Variants in EYA3 observed in about 807,000 individuals in gnomAD.
The protein encoded by EYA3 is EYA transcriptional coactivator and phosphatase 3, also known as protein phosphatase EYA3.
In EYA3, 39 loss-of-function variants were observed where a neutral mutation model predicts 80.0. The ratio of observed to expected loss-of-function variants is 0.49; its 90% CI spans 0.38 to 0.64. EYA3 has a LOEUF of 0.64. Among genes scored for constraint, EYA3 ranks in the 30% least tolerant of loss-of-function variants. The pLI, the probability that EYA3 is intolerant of heterozygous loss-of-function variation, is 0.00. For missense variants in EYA3, 523 were observed against 676.1 expected, an observed-to-expected ratio of 0.77 and a Z score of 2.51; for synonymous variants, 206 against 232.8, an observed-to-expected ratio of 0.88 and a Z score of 1.05.
chr1:28,003,954 A>G (rs1641083500), intron 11 of EYA3, among the ~76,000 whole-genome samples: 1 of 152,202 alleles, frequency 6.6e-6, no homozygotes, highest in Admixed American at 6.5e-5. Context: ...TATTTGGCTA[A>G]ATAAAATGCT....
intron 1 of EYA3, among the ~76,000 whole-genome samples, chr1:28,070,567 A>G (rs1644986782): frequency 6.6e-6 from 1 of 152,208 alleles, no homozygotes; most frequent in Non-Finnish European, 1.5e-5. Flanking sequence ...GTCTCAAAAA[A>G]AAGAGAAAGA....
chr1:27,989,888 C>A (rs1639916454), intron 14 of EYA3, 77 bp from the exon 15 acceptor site: 1 of 773,770 alleles, frequency 1.3e-6, no homozygotes, highest in Non-Finnish European at 2.1e-6. Context: ...CTTCTAAATT[C>A]AATTTAAAAA....
chr1:28,072,312 G>A lies in EYA3; in HGVS notation c.-68-14218C>T, dbSNP rs112635550. Reference sequence around the variant, plus strand: ...CTTGAGTAGAAAAAAGATATTAGTAGAAAAAGTAGTAAAATCTGAATGAAG... The same window carrying A: ...CTTGAGTAGAAAAAAGATATTAGTAAAAAAAGTAGTAAAATCTGAATGAAG... On this transcript the variant is annotated intron_variant, in intron 1 of 17. Coordinates refer to ENST00000373871, the MANE Select transcript of EYA3 (RefSeq NM_001990.4). 7.7e-3 allele frequency among the ~76,000 whole-genome samples: 1,170 copies of A among 152,130 alleles called. 10 individuals carry two copies. Among genetic ancestry groups the A allele is most frequent in the Middle Eastern group, 0.051 (15 of 294 alleles).
chr1:27,987,189 T>A (rs954657224), intron 16 of EYA3, among the ~76,000 whole-genome samples: 1 of 152,242 alleles, frequency 6.6e-6, no homozygotes. Context: ...AGAAGCCTCA[T>A]ATAAATGGAA....
intron 10 of EYA3, among the ~76,000 whole-genome samples, chr1:28,005,120 G>C (rs1257168128): frequency 6.6e-6 from 1 of 152,148 alleles, no homozygotes; most frequent in Non-Finnish European, 1.5e-5. Flanking sequence ...ATAGCATAAA[G>C]TACCAAAACT....
chr1:28,040,187 A>C (rs1173716419), intron 4 of EYA3, among the ~76,000 whole-genome samples: 1 of 152,180 alleles, frequency 6.6e-6, no homozygotes, highest in African/African-American at 2.4e-5. Context: ...CTAGAATAGC[A>C]ACAGTGGGGA....
intron 17 of EYA3, chr1:27,977,103 C>A: frequency 1.0e-6 from 1 of 985,384 alleles, no homozygotes; most frequent in South Asian, 4.7e-5. Flanking sequence ...TCCCCCATAC[C>A]CTTCTTCAGA....
At chr1:28,034,636 G>C (rs967679744) in intron 6 of EYA3, among the ~76,000 whole-genome samples, 1 of 152,060 alleles carries the variant, frequency 6.6e-6, no homozygotes, top group Non-Finnish European at 1.5e-5. Flanking sequence ...CTAAAAGTAA[G>C]AAAGCTGCCA....
At chr1:28,064,135 TTAAA>T (rs1278587124) in intron 1 of EYA3, among the ~76,000 whole-genome samples, 5 of 152,314 alleles carry the variant, frequency 3.3e-5, no homozygotes, top group Non-Finnish European at 7.4e-5. Flanking sequence ...ATTATGCACT[TTAAA>T]TATTAATATG....
At chr1:27,998,756 A>C (rs1436917119) in intron 12 of EYA3, among the ~76,000 whole-genome samples, 4 of 151,660 alleles carry the variant, frequency 2.6e-5, no homozygotes, top group Non-Finnish European at 5.9e-5. Flanking sequence ...CTTTGTGTTT[A>C]TAAAATACTA....
intron 1 of EYA3, among the ~76,000 whole-genome samples, chr1:28,059,161 CACA>C (rs1644531436): frequency 6.6e-6 from 1 of 152,154 alleles, no homozygotes; most frequent in Non-Finnish European, 1.5e-5. Flanking sequence ...TGCAATACAA[CACA>C]ACTTTATTTT....
intron 1 of EYA3, among the ~76,000 whole-genome samples, chr1:28,064,651 TA>T (rs1218016665): frequency 1.3e-5 from 2 of 152,048 alleles, no homozygotes; most frequent in African/African-American, 2.4e-5. Flanking sequence ...TTTTAGTTTT[TA>T]TTTTTTTTAT....
At chr1:28,007,251 A>T (rs999736998) in intron 10 of EYA3, among the ~76,000 whole-genome samples, 2 of 151,750 alleles carry the variant, frequency 1.3e-5, no homozygotes, top group Admixed American at 1.3e-4. Context: ...ATGTGATCTT[A>T]TATGTAGAAA....
At position 28,007,078 on chromosome 1, in the gene EYA3, T is replaced by C. The variant is rs568633779; in HGVS notation, c.910-2659A>G. On this transcript the variant is annotated intron_variant, in intron 10 of 17. Coordinates refer to ENST00000373871, the MANE Select transcript of EYA3 (RefSeq NM_001990.4). ...GCCTCAGCCTCCCAAGTAGCTGGGA[T>C]TACAGGTGTGCACCACCAGGTCCGG... is the stretch of plus-strand genomic sequence containing the variant. 2.0e-5 allele frequency among the ~76,000 whole-genome samples: 3 copies of C among 151,276 alleles called. No individual in the cohort carries two copies. The South Asian group carries it at 6.2e-4, about 32-fold the overall frequency.
intron 16 of EYA3, among the ~76,000 whole-genome samples, chr1:27,986,326 T>C (rs1639651394): frequency 1.3e-5 from 2 of 151,102 alleles, no homozygotes; most frequent in South Asian, 4.2e-4. Context: ...GATCGCACCA[T>C]TGCACTCCAG....
chr1:28,073,113 A>C (rs1458681416), intron 1 of EYA3, among the ~76,000 whole-genome samples: 1 of 45,272 alleles, frequency 2.2e-5, no homozygotes, highest in Non-Finnish European at 4.1e-5. Flanking sequence ...TTATATATAT[A>C]TATATATATA....
At chr1:28,020,479 C>A (rs1642355484) in intron 7 of EYA3, among the ~76,000 whole-genome samples, 1 of 152,042 alleles carries the variant, frequency 6.6e-6, no homozygotes, top group African/African-American at 2.4e-5. Flanking sequence ...AAGACAAAGT[C>A]CTGGCCCTCA....
chr1:28,024,035 T>C (rs1416083252), intron 7 of EYA3, among the ~76,000 whole-genome samples: 1 of 152,246 alleles, frequency 6.6e-6, no homozygotes, highest in Admixed American at 6.5e-5. Context: ...GGTGAGGAGT[T>C]TGAGACCAGC....
chr1:28,039,485 C>T (rs61789705), intron 4 of EYA3, among the ~76,000 whole-genome samples: 1,993 of 152,240 alleles, frequency 0.013, 24 homozygotes, highest in Middle Eastern at 0.02. Context: ...CACAGACAGA[C>T]GTGAGGAACT....
Sources: gnomAD v4.1 joint callset for allele counts (sites outside exome capture counted in the v4.1 genomes callset) on GRCh38, gnomAD v4.1.1 for gene constraint, MANE v1.5 for transcripts, NCBI Gene and HGNC (gene_info 2026-07-23, HGNC 2026-07-21) for gene names.